Variants in CAPZB observed in about 807,000 individuals in gnomAD.
CAPZB encodes the protein F-actin-capping protein subunit beta.
A neutral mutation model predicts 38.1 loss-of-function variants in CAPZB; 2 were observed. The ratio of observed to expected loss-of-function variants is 0.05; its 90% CI spans 0.02 to 0.17. CAPZB has a LOEUF of 0.17. Ranked by LOEUF, CAPZB falls within the 10% of genes least tolerant of loss-of-function variation. CAPZB has a pLI of 1.00. For synonymous variants in CAPZB, 107 were observed against 127.4 expected (o/e 0.84, Z 1.08); for missense variants, 161 against 334.2 (o/e 0.48, Z 4.04).
At chr1:19,372,582 T>C (rs567762504) in intron 4 of CAPZB, among the ~76,000 whole-genome samples, 1 of 152,318 alleles carries the variant, frequency 6.6e-6, no homozygotes, top group South Asian at 2.1e-4. Flanking sequence ...CAGCTGCTGG[T>C]GCCTGACCTA....
At chr1:19,366,199 C>T (rs2094084425) in intron 4 of CAPZB, among the ~76,000 whole-genome samples, 1 of 149,988 alleles carries the variant, frequency 6.7e-6, no homozygotes, top group Admixed American at 6.6e-5. Context: ...ATAATCCCAG[C>T]ACTTTGGGAG....
chr1:19,346,693 G>C (rs548803949), intron 6 of CAPZB, among the ~76,000 whole-genome samples: 2 of 152,164 alleles, frequency 1.3e-5, no homozygotes, highest in Admixed American at 1.3e-4. Context: ...GGTTAAGAGC[G>C]GGGTGAGCAG....
At chr1:19,398,325 T>C (rs141275907) in intron 2 of CAPZB, among the ~76,000 whole-genome samples, 127 of 148,974 alleles carry the variant, frequency 8.5e-4, no homozygotes, top group Non-Finnish European at 1.4e-3. Context: ...GCGAATGACC[T>C]TTGAAGCCAC....
At chr1:19,358,930 A>G (rs2100327363) in intron 4 of CAPZB, among the ~76,000 whole-genome samples, 1 of 152,338 alleles carries the variant, frequency 6.6e-6, no homozygotes, top group Non-Finnish European at 1.5e-5. Flanking sequence ...CAGCTCTAGC[A>G]CGCCCAGCTA....
intron 1 of CAPZB, among the ~76,000 whole-genome samples, chr1:19,446,235 G>A (rs1008477080): frequency 3.3e-5 from 5 of 152,214 alleles, no homozygotes; most frequent in African/African-American, 1.2e-4. Context: ...CCAAGTTCAG[G>A]ATGCACTGCG....
Position 19,389,903 on chromosome 1 carries a change from T to G in CAPZB, c.94-4277A>C, listed in dbSNP as rs567811779. Among the ~76,000 whole-genome samples, 14 of 152,332 alleles carry G rather than the reference T, an allele frequency of 9.2e-5. No homozygotes were observed. In the South Asian group the frequency reaches 2.9e-3, roughly 32 times the overall value. ...TCCTAAATGCTTTGGGGATGGCTGT[T>G]CTAATACTGCCAATGACTTTCACCT... On this transcript the variant is annotated intron_variant, in intron 2 of 8. Coordinates refer to ENST00000264202, the MANE Select transcript of CAPZB (RefSeq NM_004930.5).
intron 1 of CAPZB, among the ~76,000 whole-genome samples, chr1:19,428,489 T>C (rs2094431413): frequency 6.6e-6 from 1 of 152,170 alleles, no homozygotes; most frequent in Admixed American, 6.5e-5. Context: ...TTAAGGTCAT[T>C]TGGATTACCG....
At chr1:19,354,942 C>G (rs925945614) in intron 6 of CAPZB, among the ~76,000 whole-genome samples, 1 of 152,136 alleles carries the variant, frequency 6.6e-6, no homozygotes, top group Non-Finnish European at 1.5e-5. Context: ...TCCACTTCCA[C>G]GCAAAAAGGC....
chr1:19,378,736 A>T (rs2094156577), intron 3 of CAPZB, 83 bp from the exon 4 acceptor site: 1 of 761,094 alleles, frequency 1.3e-6, no homozygotes, highest in Non-Finnish European at 2.3e-6. Context: ...AGCCCTGGCT[A>T]TCTGAAATCT....
chr1:19,420,331 A>C (rs1341517574), intron 1 of CAPZB, among the ~76,000 whole-genome samples: 2 of 152,252 alleles, frequency 1.3e-5, no homozygotes, highest in African/African-American at 2.4e-5. Flanking sequence ...AGCAAACTGG[A>C]CTGCAAATGC....
At chr1:19,354,959 C>A (rs935962484) in intron 6 of CAPZB, among the ~76,000 whole-genome samples, 1 of 152,082 alleles carries the variant, frequency 6.6e-6, no homozygotes, top group East Asian at 1.9e-4. Context: ...AGGCTAAGTG[C>A]CCCCTGTGTG....
At chr1:19,410,487 TG>T (rs917093193) in intron 2 of CAPZB, among the ~76,000 whole-genome samples, 3 of 151,966 alleles carry the variant, frequency 2.0e-5, no homozygotes, top group African/African-American at 4.8e-5. Flanking sequence ...TGTGTATGGG[TG>T]GGGGGTGGTG....
At chr1:19,361,154 G>A (rs191777584) in intron 4 of CAPZB, among the ~76,000 whole-genome samples, 129 of 152,244 alleles carry the variant, frequency 8.5e-4, no homozygotes, top group African/African-American at 2.6e-3. Flanking sequence ...GTATTCAGTC[G>A]GGTAGTATCC....
intron 1 of CAPZB, chr1:19,449,437 G>T: frequency 1.8e-6 from 1 of 569,542 alleles, no homozygotes; most frequent in Non-Finnish European, 2.2e-6. Flanking sequence ...GTGAACCATG[G>T]TATGTCCACT....
intron 2 of CAPZB, among the ~76,000 whole-genome samples, chr1:19,396,713 G>A (rs2094271677): frequency 6.6e-6 from 1 of 151,622 alleles, no homozygotes. Context: ...GGCCGAGGCA[G>A]GAGGATCACT....
chr1:19,460,433 C>G (rs998615161), intron 1 of CAPZB, among the ~76,000 whole-genome samples: 1 of 152,112 alleles, frequency 6.6e-6, no homozygotes, highest in African/African-American at 2.4e-5. Context: ...CCCGCCACCG[C>G]GCCCGGCTAA....
chr1:19,354,205 A>C (rs1317677742), intron 6 of CAPZB, among the ~76,000 whole-genome samples: 1 of 152,156 alleles, frequency 6.6e-6, no homozygotes, highest in Non-Finnish European at 1.5e-5. Context: ...GAATAACTTG[A>C]CCTTGGTTAC....
chr1:19,383,066 C>A (rs1036470399), intron 3 of CAPZB, among the ~76,000 whole-genome samples: 1 of 149,756 alleles, frequency 6.7e-6, no homozygotes, highest in African/African-American at 2.5e-5. Flanking sequence ...ACTGCTTGAA[C>A]CTAGGAGTTC....
At chr1:19,402,721 T>C (rs1348322490) in intron 2 of CAPZB, among the ~76,000 whole-genome samples, 1 of 152,184 alleles carries the variant, frequency 6.6e-6, no homozygotes, top group Non-Finnish European at 1.5e-5. Flanking sequence ...TCCTCTGTGG[T>C]GCTCTGCAGT....
Sources: gnomAD v4.1 joint callset for allele counts (sites outside exome capture counted in the v4.1 genomes callset) on GRCh38, gnomAD v4.1.1 for gene constraint, MANE v1.5 for transcripts, NCBI Gene and HGNC (gene_info 2026-07-23, HGNC 2026-07-21) for gene names.